Variants in TMPRSS15 observed in about 807,000 individuals in gnomAD.
The protein encoded by TMPRSS15 is transmembrane serine protease 15.
TMPRSS15 carries 128 observed loss-of-function variants against 125.3 expected under a neutral mutation model. The ratio of observed to expected loss-of-function variants is 1.02; its 90% CI spans 0.89 to 1.18. The LOEUF is 1.18. TMPRSS15 is among the 50% of genes most tolerant of loss of function. TMPRSS15 has a pLI of 0.00. For missense variants in TMPRSS15, 1,283 were observed against 1,212.7 expected, an observed-to-expected ratio of 1.06 and a Z score of -0.86; for synonymous variants, 446 against 423.2, an observed-to-expected ratio of 1.05 and a Z score of -0.66.
At chr21:18,352,841 A>T (rs961041915) in intron 10 of TMPRSS15, 62 bp downstream of exon 10, 1 of 1,557,024 alleles carries the variant, frequency 6.4e-7, no homozygotes, top group Non-Finnish European at 8.8e-7. Context: ...TACAACACAT[A>T]CCTCTTTCCT....
intron 1 of TMPRSS15, among the ~76,000 whole-genome samples, chr21:18,450,573 T>C (rs968297898): frequency 3.9e-5 from 6 of 152,166 alleles, no homozygotes; most frequent in African/African-American, 1.4e-4. Flanking sequence ...TTCTGATCAA[T>C]TGGAGCTTCT....
chr21:18,389,143 AAGAAAGACAAG>A (rs2075970070), intron 3 of TMPRSS15, among the ~76,000 whole-genome samples: 1 of 146,638 alleles, frequency 6.8e-6, no homozygotes, highest in African/African-American at 2.7e-5. Context: ...GAAGGAAGGA[AAGAAAGACAAG>A]AGAAAGAAAA....
chr21:18,292,517 G>A (rs2074850627), intron 21 of TMPRSS15, among the ~76,000 whole-genome samples: 1 of 152,096 alleles, frequency 6.6e-6, no homozygotes, highest in Non-Finnish European at 1.5e-5. Context: ...CTATGAGATT[G>A]GTATCATTAA....
intron 3 of TMPRSS15, among the ~76,000 whole-genome samples, chr21:18,389,596 C>T (rs1192462274): frequency 3.3e-5 from 5 of 152,018 alleles, no homozygotes; most frequent in African/African-American, 9.7e-5. Context: ...AAAAATTCTG[C>T]GATTTTCATA....
chr21:18,314,882 T>C (rs992248631), intron 17 of TMPRSS15, among the ~76,000 whole-genome samples: 38 of 152,228 alleles, frequency 2.5e-4, no homozygotes, highest in African/African-American at 8.4e-4. Context: ...ATTCTCGGCT[T>C]CCTATATGGA....
chr21:18,345,513 G>A (rs532772413), intron 10 of TMPRSS15, among the ~76,000 whole-genome samples: 11 of 151,250 alleles, frequency 7.3e-5, no homozygotes, highest in Non-Finnish European at 1.2e-4. Context: ...AGGCCGAGGC[G>A]GGCGGATCAC....
chr21:18,275,116 C>T, intron 24 of TMPRSS15, 81 bp downstream of exon 24: 1 of 1,526,170 alleles, frequency 6.6e-7, no homozygotes, highest in Non-Finnish European at 9.1e-7. Flanking sequence ...TTTCTTTACT[C>T]CCTAATTATT....
chr21:18,281,403 C>A (rs1201294485), intron 21 of TMPRSS15, among the ~76,000 whole-genome samples, 182 bp from the exon 22 acceptor site: 1 of 152,056 alleles, frequency 6.6e-6, no homozygotes, highest in Non-Finnish European at 1.5e-5. Context: ...ATAAAGAAAA[C>A]CCTAATTAGT....
chr21:18,359,341 A>G (rs2075656758), intron 8 of TMPRSS15, among the ~76,000 whole-genome samples: 3 of 152,068 alleles, frequency 2.0e-5, no homozygotes, highest in Admixed American at 1.3e-4. Context: ...AGCCTGCAGG[A>G]GACCGAGGAG....
At chr21:18,473,144 A>G (rs11910319) in intron 1 of TMPRSS15, among the ~76,000 whole-genome samples, 2,133 of 152,268 alleles carry the variant, frequency 0.014, 52 homozygotes, top group African/African-American at 0.049. Flanking sequence ...CTGGAGTAGC[A>G]TAAAAATCAG....
chr21:18,356,792 G>A (rs2075629511), intron 8 of TMPRSS15, among the ~76,000 whole-genome samples: 1 of 151,844 alleles, frequency 6.6e-6, no homozygotes, highest in Non-Finnish European at 1.5e-5. Flanking sequence ...CCATAATGCA[G>A]TGTGATTATT....
intron 5 of TMPRSS15, among the ~76,000 whole-genome samples, chr21:18,373,862 CCCA>C (rs2075815630): frequency 6.6e-6 from 1 of 152,052 alleles, no homozygotes; most frequent in African/African-American, 2.4e-5. Context: ...ATTTATTGAC[CCCA>C]CAAGTATTTA....
At chr21:18,292,862 A>C (rs1365648110) in intron 21 of TMPRSS15, among the ~76,000 whole-genome samples, 10 of 152,216 alleles carry the variant, frequency 6.6e-5, no homozygotes, top group Non-Finnish European at 1.3e-4. Flanking sequence ...CGCTTGTTAT[A>C]GTATGAAAAT....
At chr21:18,458,300 A>G (rs914752063) in intron 1 of TMPRSS15, among the ~76,000 whole-genome samples, 1 of 152,180 alleles carries the variant, frequency 6.6e-6, no homozygotes. Context: ...TTGGGAAGGC[A>G]TGACAAAGCT....
chr21:18,443,038 T>G (rs2076246120), intron 1 of TMPRSS15, among the ~76,000 whole-genome samples: 1 of 152,128 alleles, frequency 6.6e-6, no homozygotes, highest in Non-Finnish European at 1.5e-5. Flanking sequence ...TGACCCATCT[T>G]CCTCCCCAAC....
At chr21:18,336,402 A>G (rs565274406) in intron 13 of TMPRSS15, among the ~76,000 whole-genome samples, 1 of 152,342 alleles carries the variant, frequency 6.6e-6, no homozygotes, top group East Asian at 1.9e-4. Flanking sequence ...ATTGTAATAG[A>G]TACACAAATC....
chr21:18,361,437 T>G (rs1247768974), intron 7 of TMPRSS15, among the ~76,000 whole-genome samples: 2 of 151,932 alleles, frequency 1.3e-5, no homozygotes, highest in East Asian at 3.9e-4. Context: ...TAGTAATACT[T>G]AAGAGATTTA....
At chr21:18,463,783 G>A (rs2122954149) in intron 1 of TMPRSS15, among the ~76,000 whole-genome samples, 4 of 152,108 alleles carry the variant, frequency 2.6e-5, no homozygotes, top group African/African-American at 9.7e-5. Flanking sequence ...TTAGAACTCA[G>A]GATTAAGAAA....
chr21:18,397,978 C>T, intron 2 of TMPRSS15, 32 bp from the exon 3 acceptor site: 2 of 1,358,936 alleles, frequency 1.5e-6, no homozygotes, highest in Admixed American at 2.0e-5. Flanking sequence ...AATGAGTATA[C>T]TAAATTTAGG....
Sources: gnomAD v4.1 joint callset for allele counts (sites outside exome capture counted in the v4.1 genomes callset) on GRCh38, gnomAD v4.1.1 for gene constraint, MANE v1.5 for transcripts, NCBI Gene and HGNC (gene_info 2026-07-23, HGNC 2026-07-21) for gene names.